Variants in PXMP4 observed in about 807,000 individuals in gnomAD.
The protein encoded by PXMP4 is 24 kDa peroxisomal intrinsic membrane protein.
In PXMP4, 16 loss-of-function variants were observed where a neutral mutation model predicts 21.6. The observed-to-expected ratio is 0.74, with a 90% confidence interval of 0.50 to 1.13. PXMP4 has a LOEUF of 1.13. Ranked by LOEUF, PXMP4 falls within the 50% of genes most tolerant of loss-of-function variation. PXMP4 has a pLI of 0.00. For missense variants in PXMP4, 240 were observed against 277.7 expected (o/e 0.86, Z 0.96); for synonymous variants, 127 against 123.8 (o/e 1.03, Z -0.17).
At chr20:33,719,703 A>T (rs1322844156) in intron 1 of PXMP4, among the ~76,000 whole-genome samples, 1 of 152,128 alleles carries the variant, frequency 6.6e-6, no homozygotes. Flanking sequence ...GACAGAATAG[A>T]CAGGAGGCAT....
rs10666719 is a variant in PXMP4 at position 33,717,639 on chromosome 20, C to CAAAAA, written c.113+2451_113+2455dup. ...TGGGCGACAGAGCGAGACTCCGTCT[C>CAAAAA]AAAAAAAAAAAAAAAAAAATTATTA... On this transcript the variant is annotated intron_variant, in intron 1 of 3. Transcript: ENST00000409299. Among the ~76,000 whole-genome samples the CAAAAA allele has an allele frequency of 1.7e-3, 98 of 56,536 alleles. 3 individuals carry two copies. Among genetic ancestry groups the CAAAAA allele is most frequent in the African/African-American group, 5.1e-3 (60 of 11,810 alleles). The allele number at this position is 56,536 out of a possible 152,430, so 37.1% of individuals were successfully genotyped here.
In PXMP4 at chr20:33,707,801, G is replaced by A; in HGVS notation, c.544C>T (p.Leu182=). 6.2e-7 allele frequency: 1 copy of A among 1,614,228 alleles called. No homozygotes were observed. Among genetic ancestry groups the A allele is most frequent in the Non-Finnish European group, 8.5e-7 (1 of 1,180,042 alleles). The change falls in exon 4 of 4, where the codon CTG becomes TTG. Residue 182 remains leucine (L), a synonymous_variant. Coordinates refer to ENST00000409299, the MANE Select transcript of PXMP4 (RefSeq NM_007238.5). ...EYHRSTLQPS[L]QSSMTYLYED... ...TAGAGGTAGGTCATGGAGGACTGCA[G>A]CGAGGGCTGCAGGGTGGATCGGTGA...
chr20:33,714,371 T>G (rs1277555077), intron 2 of PXMP4, among the ~76,000 whole-genome samples: 1 of 151,918 alleles, frequency 6.6e-6, no homozygotes, highest in African/African-American at 2.4e-5. Flanking sequence ...ATACAAAAAT[T>G]AGCCAGGTGT....
rs537945235 is a variant in PXMP4, at chr20:33,708,039, T to C, written c.376-70A>G. ...GTCCCTCTTTTGTTTTTGATATTAA[T>C]AATTTGTTTCATTTCTCTTTTTTTC... is the stretch of plus-strand genomic sequence containing the variant. On this transcript the variant is annotated intron_variant, in intron 3 of 3. Transcript: ENST00000409299. 7.5e-5 allele frequency: 113 copies of C among 1,497,172 alleles called. No individual in the cohort carries two copies. The African/African-American group carries it at 1.4e-3, about 18-fold the overall frequency. The allele number at this position is 1,497,172 out of a possible 1,614,324, so 92.7% of individuals were successfully genotyped here. A position where few individuals can be genotyped will look rare whatever the true frequency, so the allele number is the denominator to read the frequency against.
chr20:33,710,568 T>C lies in PXMP4; in HGVS notation c.362A>G (p.Asn121Ser), dbSNP rs776998046. The C allele has an allele frequency of 2.5e-6, 4 of 1,599,304 alleles. No homozygotes were observed. The highest frequency in any genetic ancestry group is 2.2e-5 in the South Asian group (2 of 90,816). Reference sequence around the variant, plus strand: ...GAGGATCTTTACCTGGCTGTTGATGTTATTGTTTTCTCCAAACACCAGGAT... The same window carrying C: ...GAGGATCTTTACCTGGCTGTTGATGCTATTGTTTTCTCCAAACACCAGGAT... ...GGILVFGENN[N>S]INSQINMYLL... Residue 121 changes from asparagine to serine, a missense_variant, in exon 3 of 4, where the codon AAC becomes AGC. Coordinates refer to ENST00000409299, the MANE Select transcript of PXMP4 (RefSeq NM_007238.5).
rs71349731 is a variant in PXMP4, at chr20:33,708,562, G to T, written c.376-593C>A. 1.6e-3 allele frequency among the ~76,000 whole-genome samples: 240 copies of T among 151,492 alleles called. 1 individual carries two copies. Among genetic ancestry groups the T allele is most frequent in the African/African-American group, 5.5e-3 (227 of 41,284 alleles). On this transcript the variant is annotated intron_variant, in intron 3 of 3. Transcript: ENST00000409299. The stretch of plus-strand genomic sequence containing the variant: ...TAGTTAAAAAAAAAAAAAAACTTTA[G>T]AGATAGGGTCTTGGTCTGTTGCCCT...
intron 1 of PXMP4, among the ~76,000 whole-genome samples, chr20:33,719,436 G>A (rs1037237526): frequency 1.3e-5 from 2 of 152,118 alleles, no homozygotes; most frequent in African/African-American, 4.8e-5. Flanking sequence ...CTTTGTCCCC[G>A]GTTCTGGCAC....
At chr20:33,720,063 C>T (rs762573432) in intron 1 of PXMP4, 32 bp downstream of exon 1, 2 of 1,602,130 alleles carry the variant, frequency 1.2e-6, no homozygotes, top group South Asian at 1.1e-5. Context: ...GGACATCCCT[C>T]AGCCCCAGCC....
intron 2 of PXMP4, among the ~76,000 whole-genome samples, chr20:33,711,358 A>T (rs1159763020): frequency 2.0e-5 from 3 of 152,078 alleles, no homozygotes; most frequent in African/African-American, 7.2e-5. Context: ...AGGGGAGGAG[A>T]GCCACATCCC....
At chr20:33,714,055 A>G (rs2018358916) in intron 2 of PXMP4, among the ~76,000 whole-genome samples, 1 of 152,244 alleles carries the variant, frequency 6.6e-6, no homozygotes, top group Non-Finnish European at 1.5e-5. Context: ...AGATGTGTGC[A>G]GGTGGAGCTA....
chr20:33,704,216 GT>G lies in PXMP4; in HGVS notation c.*3489del. The G allele has an allele frequency of 6.3e-6, 1 of 158,048 alleles. No individual in the cohort carries two copies. The allele number at this position is 158,048 out of a possible 1,614,324, so 9.8% of individuals were successfully genotyped here. ...TAGAATCAGTGGGAGCCCTGAGTTT[GT>G]TTTCCAGCAACTAGACAGTCCCATC... On this transcript the variant is annotated 3_prime_UTR_variant, in exon 4 of 4. Coordinates refer to ENST00000409299, the MANE Select transcript of PXMP4 (RefSeq NM_007238.5).
chr20:33,715,865 A>G lies in PXMP4; in HGVS notation c.114-1129T>C, dbSNP rs1352118815. On this transcript the variant is annotated intron_variant, in intron 1 of 3. Transcript: ENST00000409299. ...TCTTTTTTTTTTTTTTTTTTTTGAG[A>G]CGAAGTTTTGTTCTTGTTGCCCAGC... Among the ~76,000 whole-genome samples, 5 of 120,154 alleles carry G rather than the reference A, an allele frequency of 4.2e-5. No individual in the cohort carries two copies. The Admixed American group carries it at 4.7e-4, about 11-fold the overall frequency. 78.8% of individuals were successfully genotyped at this position (120,154 alleles called of 152,430 possible). A position where few individuals can be genotyped will look rare whatever the true frequency, so the allele number is the denominator to read the frequency against.
chr20:33,709,745 C>T (rs1463910583), intron 3 of PXMP4, among the ~76,000 whole-genome samples: 1 of 146,418 alleles, frequency 6.8e-6, no homozygotes, highest in African/African-American at 2.6e-5. Context: ...TCCACCCACC[C>T]CTACCTCTAG....
chr20:33,710,769 T>TG lies in PXMP4; in HGVS notation c.177-17dup. The TG allele has an allele frequency of 6.3e-7, 1 of 1,579,514 alleles. No homozygotes were observed. On this transcript the variant is annotated splice_polypyrimidine_tract_variant and intron_variant, in intron 2 of 3. Transcript: ENST00000409299. ...CTCCTGGAGGCTGCACAAACACAGGTGCCCCTGCCATGAGTGCAGGCTCAG... is the reference window on the plus strand; with the variant it reads ...CTCCTGGAGGCTGCACAAACACAGGTGGCCCCTGCCATGAGTGCAGGCTCAG...
In PXMP4 at chr20:33,719,911, A is replaced by G. The variant is rs183110221; in HGVS notation, c.113+184T>C. 2.7e-3 allele frequency among the ~76,000 whole-genome samples: 406 copies of G among 152,364 alleles called. 3 individuals carry two copies. The highest frequency in any genetic ancestry group is 9.2e-3 in the African/African-American group (381 of 41,598). On this transcript the variant is annotated intron_variant, in intron 1 of 3. Coordinates refer to ENST00000409299, the MANE Select transcript of PXMP4 (RefSeq NM_007238.5). ...AAATGTGCAGTGGGAGCCCCAGTTC[A>G]GAGCTGGGAAGGCGCGCAAGCCAAA...
chr20:33,707,387 C>A lies in PXMP4; in HGVS notation c.*319G>T. On this transcript the variant is annotated 3_prime_UTR_variant, in exon 4 of 4. Transcript: ENST00000409299. ...AACAGTTGAAGAATGAACATACCCACCGGAAAGAGACCTCAGGGCCCTCCT... is the reference window on the plus strand; with the variant it reads ...AACAGTTGAAGAATGAACATACCCAACGGAAAGAGACCTCAGGGCCCTCCT... 1 of 283,186 alleles carries A rather than the reference C, an allele frequency of 3.5e-6. No individual in the cohort carries two copies. The highest frequency in any genetic ancestry group is 6.7e-6 in the Non-Finnish European group (1 of 149,234). The allele number at this position is 283,186 out of a possible 1,614,324, so 17.5% of individuals were successfully genotyped here.
At position 33,720,300 on chromosome 20, in the gene PXMP4, C is replaced by A; in HGVS notation, c.-93G>T. 9.1e-7 allele frequency: 1 copy of A among 1,095,196 alleles called. No homozygotes were observed. Among genetic ancestry groups the A allele is most frequent in the African/African-American group, 1.6e-5 (1 of 64,240 alleles). 67.8% of individuals were successfully genotyped at this position (1,095,196 alleles called of 1,614,324 possible). On this transcript the variant is annotated 5_prime_UTR_variant, in exon 1 of 4. Coordinates refer to ENST00000409299, the MANE Select transcript of PXMP4 (RefSeq NM_007238.5). ...CGCGCCCACAGCCCCTCGGTAGCGC[C>A]GCCGACTCGTGGCGTCTATAGGCTG...
chr20:33,712,706 C>T (rs1468858035), intron 2 of PXMP4, among the ~76,000 whole-genome samples: 1 of 152,268 alleles, frequency 6.6e-6, no homozygotes, highest in Non-Finnish European at 1.5e-5. Flanking sequence ...TCTCGGCTCA[C>T]TGCAATCTCC....
intron 2 of PXMP4, among the ~76,000 whole-genome samples, chr20:33,713,144 C>T (rs1036383043): frequency 2.0e-5 from 3 of 152,196 alleles, no homozygotes; most frequent in African/African-American, 7.2e-5. Context: ...ACAACAATTT[C>T]CCATTGCACT....
Sources: gnomAD v4.1 joint callset for allele counts (sites outside exome capture counted in the v4.1 genomes callset) on GRCh38, gnomAD v4.1.1 for gene constraint, MANE v1.5 for transcripts, NCBI Gene and HGNC (gene_info 2026-07-23, HGNC 2026-07-21) for gene names.